OR5D3: variants seen among roughly 807,000 people sequenced by gnomAD.
The protein encoded by OR5D3 is olfactory receptor 5D3.
the OR5D3 span, chr11:55,729,470 A>G: frequency 6.6e-6 from 1 of 152,056 alleles, no homozygotes; most frequent in Non-Finnish European, 1.5e-5. Flanking sequence ...TTAGTGGATT[A>G]ACAACTATAA....
At chr11:55,724,136 C>T in the OR5D3 span, 15 of 392,144 alleles carry the variant, frequency 3.8e-5, no homozygotes, top group Non-Finnish European at 6.7e-5. Flanking sequence ...GACAAACACA[C>T]GTGTAGGTTG....
At chr11:55,728,828 A>G in the OR5D3 span, 1 of 152,080 alleles carries the variant, frequency 6.6e-6, no homozygotes, top group East Asian at 1.9e-4. Flanking sequence ...TTTTAACTGT[A>G]GATAATGAGT....
chr11:55,724,325 A>G, the OR5D3 span, among the ~76,000 whole-genome samples: 4 of 152,164 alleles, frequency 2.6e-5, no homozygotes, highest in East Asian at 7.7e-4. Context: ...AATTGGCCTT[A>G]TCTTTAAACT....
At chr11:55,729,045 T>C in the OR5D3 span, 1 of 152,020 alleles carries the variant, frequency 6.6e-6, no homozygotes, top group South Asian at 2.1e-4. Flanking sequence ...ATGTAAGCTG[T>C]AATTTGGTAG....
chr11:55,724,996 T>G, the OR5D3 span, among the ~76,000 whole-genome samples: 1 of 152,028 alleles, frequency 6.6e-6, no homozygotes, highest in African/African-American at 2.4e-5. Context: ...CAAATAAAAT[T>G]CTACAGTACT....
At chr11:55,725,721 G>A in the OR5D3 span, among the ~76,000 whole-genome samples, 1 of 151,936 alleles carries the variant, frequency 6.6e-6, no homozygotes, top group Non-Finnish European at 1.5e-5. Flanking sequence ...AATGAGAAAG[G>A]TGTTAAAAAT....
the OR5D3 span, chr11:55,729,445 T>C: frequency 1.3e-5 from 2 of 152,046 alleles, no homozygotes; most frequent in East Asian, 1.9e-4. Flanking sequence ...AGTTATATAG[T>C]TTAATGCTCA....
the OR5D3 span, among the ~76,000 whole-genome samples, chr11:55,725,444 T>C: frequency 6.6e-6 from 1 of 152,120 alleles, no homozygotes; most frequent in African/African-American, 2.4e-5. Context: ...AGTACTTTCA[T>C]GTTTATTATT....
the OR5D3 span, chr11:55,723,979 G>C: frequency 2.5e-6 from 1 of 397,934 alleles, no homozygotes. Flanking sequence ...GTGCTAAGCG[G>C]GAGCATTATT....
At chr11:55,725,352 C>T in the OR5D3 span, among the ~76,000 whole-genome samples, 3 of 152,020 alleles carry the variant, frequency 2.0e-5, no homozygotes, top group African/African-American at 4.8e-5. Flanking sequence ...CTTCCTGACA[C>T]TTATTCTTGG....
chr11:55,724,601 G>A, the OR5D3 span, among the ~76,000 whole-genome samples: 15 of 152,050 alleles, frequency 9.9e-5, no homozygotes, highest in South Asian at 2.1e-4. Flanking sequence ...TGTGTTAGTG[G>A]TAATGAGATT....
the OR5D3 span, chr11:55,727,347 G>T: frequency 2.7e-6 from 1 of 364,450 alleles, no homozygotes; most frequent in Non-Finnish European, 4.9e-6. Context: ...CTAAATTTTT[G>T]ATCGAGAATA....
At chr11:55,726,830 A>G in the OR5D3 span, 1 of 399,010 alleles carries the variant, frequency 2.5e-6, no homozygotes, top group Non-Finnish European at 4.4e-6. Flanking sequence ...GCAACATTCA[A>G]TGAAATAAGC....
chr11:55,726,476 A>T, the OR5D3 span: 1 of 455,516 alleles, frequency 2.2e-6, no homozygotes, highest in African/African-American at 2.0e-5. Flanking sequence ...TTGGTTGTGG[A>T]AGACAGAATC....
At chr11:55,725,452 ATTGT>A in the OR5D3 span, among the ~76,000 whole-genome samples, 8 of 152,072 alleles carry the variant, frequency 5.3e-5, no homozygotes, top group African/African-American at 1.9e-4. Flanking sequence ...CATGTTTATT[ATTGT>A]TTGTCACCTA....
chr11:55,728,938 T>C, the OR5D3 span: 2 of 152,034 alleles, frequency 1.3e-5, no homozygotes. Flanking sequence ...AAAAAGGATT[T>C]AGAAAGTTTG....
chr11:55,723,999 T>A, the OR5D3 span: 2 of 398,118 alleles, frequency 5.0e-6, no homozygotes, highest in East Asian at 7.1e-5. Context: ...TGGAGTTCGT[T>A]AATTTCAGCA....
chr11:55,723,844 G>A, the OR5D3 span: 1 of 367,316 alleles, frequency 2.7e-6, no homozygotes. Flanking sequence ...TTCTAGATGT[G>A]ACCTTATCTC....
At chr11:55,724,190 C>A in the OR5D3 span, 1 of 385,640 alleles carries the variant, frequency 2.6e-6, no homozygotes, top group East Asian at 3.6e-5. Flanking sequence ...AGCAGAGGAC[C>A]TATGTTGTTA....
Sources: gnomAD v4.1 joint callset for allele counts (sites outside exome capture counted in the v4.1 genomes callset) on GRCh38, gnomAD v4.1.1 for gene constraint, MANE v1.5 for transcripts, NCBI Gene and HGNC (gene_info 2026-07-23, HGNC 2026-07-21) for gene names.